LCLAT1: variants seen among roughly 807,000 people sequenced by gnomAD.
The protein encoded by LCLAT1 is lysocardiolipin acyltransferase 1, also known as 1-AGP acyltransferase 8.
LCLAT1 carries 11 observed loss-of-function variants against 30.7 expected under a neutral mutation model. The ratio of observed to expected loss-of-function variants is 0.36; its 90% confidence interval spans 0.23 to 0.59. The LOEUF is 0.59. LCLAT1 is among the 20% of genes least tolerant of loss of function. The pLI, the probability that LCLAT1 is intolerant of heterozygous loss-of-function variation, is 0.77. For missense variants in LCLAT1, 402 were observed against 458.6 expected (o/e 0.88, Z 1.13); for synonymous variants, 155 against 151.3 (o/e 1.02, Z -0.18).
intron 5 of LCLAT1, among the ~76,000 whole-genome samples, chr2:30,574,727 G>T (rs960834615): frequency 6.6e-6 from 1 of 152,158 alleles, no homozygotes; most frequent in Non-Finnish European, 1.5e-5. Flanking sequence ...AGTTCACACT[G>T]AGTTTGATTA....
chr2:30,573,951 G>A (rs1665888718), intron 5 of LCLAT1, among the ~76,000 whole-genome samples: 1 of 152,020 alleles, frequency 6.6e-6, no homozygotes, highest in Non-Finnish European at 1.5e-5. Flanking sequence ...CCCCAGCCTG[G>A]TTAAGATGAC....
chr2:30,548,422 C>T (rs963296044), intron 3 of LCLAT1, among the ~76,000 whole-genome samples: 2 of 152,130 alleles, frequency 1.3e-5, no homozygotes, highest in African/African-American at 4.8e-5. Context: ...GGTGGGACAA[C>T]TTAAAGCAGG....
At chr2:30,635,259 T>A (rs566170336) in intron 5 of LCLAT1, among the ~76,000 whole-genome samples, 1 of 149,786 alleles carries the variant, frequency 6.7e-6, no homozygotes, top group Non-Finnish European at 1.5e-5. Flanking sequence ...TATATATATA[T>A]AAAATAAAAG....
chr2:30,525,773 G>A lies in LCLAT1; in HGVS notation c.165+18G>A. 1 of 1,613,536 alleles carries A rather than the reference G, an allele frequency of 6.2e-7. No homozygotes were observed. Among genetic ancestry groups the A allele is most frequent in the South Asian group, 1.1e-5 (1 of 91,050 alleles). On this transcript the variant is annotated intron_variant, in intron 2 of 5. Transcript: ENST00000379509. ...TACCTGTGGTAAGTTACACACCAGA[G>A]GAGACTGTCTGCTTGTACTAGAGTG...
Position 30,608,280 on chromosome 2 carries a change from G to A in LCLAT1, c.629-31837G>A, listed in dbSNP as rs140977766. Among the ~76,000 whole-genome samples the A allele has an allele frequency of 4.3e-3, 635 of 149,070 alleles. 2 individuals carry two copies. The highest frequency in any genetic ancestry group is 9.9e-3 in the Admixed American group (148 of 15,006). ...ATGTTGCTTGCACTCCAGCCTGGGT[G>A]ACAGAGTGAGACTCCATCTCAAAAA... is the stretch of plus-strand genomic sequence containing the variant. On this transcript the variant is annotated intron_variant, in intron 5 of 5. Transcript: ENST00000379509.
chr2:30,469,886 C>A (rs1220097125), intron 1 of LCLAT1, among the ~76,000 whole-genome samples: 1 of 152,116 alleles, frequency 6.6e-6, no homozygotes, highest in East Asian at 1.9e-4. Context: ...AGCCACTGCA[C>A]CTGGCCCTAA....
rs1202326790 is a variant in LCLAT1, at chr2:30,448,458, T to C, written c.-5+1075T>C. ...CTTGATATGACAGATAAGCATAATG[T>C]TAACTGACTTTTGTTTTTGGTAGTA... On this transcript the variant is annotated intron_variant, in intron 1 of 5. Coordinates refer to ENST00000379509, the MANE Select transcript of LCLAT1 (RefSeq NM_001002257.3). Among the ~76,000 whole-genome samples the C allele has an allele frequency of 5.2e-5, 8 of 152,392 alleles. 1 individual carries two copies. The South Asian group carries it at 1.4e-3, about 28-fold the overall frequency.
At chr2:30,532,849 CT>C (rs1033667748) in intron 2 of LCLAT1, among the ~76,000 whole-genome samples, 1 of 151,762 alleles carries the variant, frequency 6.6e-6, no homozygotes, top group African/African-American at 2.4e-5. Flanking sequence ...ACCTTTTATA[CT>C]TTTTGCTTAA....
intron 5 of LCLAT1, among the ~76,000 whole-genome samples, chr2:30,586,677 A>T (rs913321528): frequency 5.9e-5 from 9 of 152,112 alleles, no homozygotes; most frequent in African/African-American, 2.2e-4. Context: ...CTGTTTCCCT[A>T]GTCAACCATT....
intron 1 of LCLAT1, among the ~76,000 whole-genome samples, chr2:30,484,220 A>C (rs1683457523): frequency 6.6e-6 from 1 of 152,142 alleles, no homozygotes; most frequent in African/African-American, 2.4e-5. Flanking sequence ...ATTCGCTTTC[A>C]AAGTTTGGAG....
intron 3 of LCLAT1, among the ~76,000 whole-genome samples, chr2:30,542,074 TCTAA>T (rs1331957660): frequency 1.3e-5 from 2 of 152,176 alleles, no homozygotes; most frequent in Admixed American, 6.5e-5. Flanking sequence ...TTGTTTCTTC[TCTAA>T]CTGTTGCTCT....
chr2:30,540,768 G>A (rs1006064305), intron 3 of LCLAT1, among the ~76,000 whole-genome samples: 4 of 151,390 alleles, frequency 2.6e-5, no homozygotes, highest in Non-Finnish European at 5.9e-5. Flanking sequence ...GGGTTCAAGC[G>A]ATTCTCCTGC....
At chr2:30,611,838 T>C (rs1667755192) in intron 5 of LCLAT1, among the ~76,000 whole-genome samples, 1 of 152,182 alleles carries the variant, frequency 6.6e-6, no homozygotes, top group Admixed American at 6.5e-5. Context: ...CTGTGGTCAT[T>C]TGCAGAAGAG....
intron 5 of LCLAT1, among the ~76,000 whole-genome samples, chr2:30,608,252 C>T (rs573801365): frequency 1.9e-4 from 28 of 149,252 alleles, no homozygotes; most frequent in South Asian, 1.5e-3. Flanking sequence ...ACCTGGGAGG[C>T]GGATGTTGCT....
chr2:30,565,382 CCATT>C (rs1398037664), intron 4 of LCLAT1, among the ~76,000 whole-genome samples: 1 of 152,068 alleles, frequency 6.6e-6, no homozygotes, highest in Non-Finnish European at 1.5e-5. Context: ...GGGCCTACTC[CCATT>C]GTGGAGGGTC....
At chr2:30,611,513 G>T (rs1320346372) in intron 5 of LCLAT1, among the ~76,000 whole-genome samples, 1 of 152,080 alleles carries the variant, frequency 6.6e-6, no homozygotes, top group Non-Finnish European at 1.5e-5. Context: ...TCTAAGAGTT[G>T]TTAACTGTTC....
At chr2:30,478,180 A>C (rs1370775299) in intron 1 of LCLAT1, among the ~76,000 whole-genome samples, 1 of 152,144 alleles carries the variant, frequency 6.6e-6, no homozygotes, top group Non-Finnish European at 1.5e-5. Context: ...TAGTTTTATA[A>C]ATCATTATTT....
At chr2:30,583,704 T>C (rs893784475) in intron 5 of LCLAT1, among the ~76,000 whole-genome samples, 1 of 152,214 alleles carries the variant, frequency 6.6e-6, no homozygotes, top group African/African-American at 2.4e-5. Context: ...ACGAGTGAGC[T>C]GCCATCATTT....
chr2:30,520,531 C>T (rs1685425599), intron 1 of LCLAT1, among the ~76,000 whole-genome samples: 2 of 152,148 alleles, frequency 1.3e-5, no homozygotes, highest in South Asian at 4.1e-4. Context: ...AGCTGTGTAG[C>T]CTTAAGTAAG....
Sources: gnomAD v4.1 joint callset for allele counts (sites outside exome capture counted in the v4.1 genomes callset) on GRCh38, gnomAD v4.1.1 for gene constraint, MANE v1.5 for transcripts, NCBI Gene and HGNC (gene_info 2026-07-23, HGNC 2026-07-21) for gene names.